Variants in TBC1D19 observed in about 807,000 individuals in gnomAD.
The protein encoded by TBC1D19 is TBC1 domain family member 19.
TBC1D19 carries 60 observed loss-of-function variants against 89.0 expected under a neutral mutation model. The observed-to-expected ratio is 0.67, with a 90% CI of 0.55 to 0.84. The LOEUF (loss-of-function observed/expected upper bound fraction) is 0.84. Among genes scored for constraint, TBC1D19 ranks in the 40% least tolerant of loss-of-function variants. The probability of loss-of-function intolerance (pLI) is 0.00; values close to 1 mark genes in which losing one functional copy is unlikely to be tolerated. For missense variants in TBC1D19, 500 were observed against 610.8 expected (o/e 0.82, Z 1.91); for synonymous variants, 189 against 199.7 (o/e 0.95, Z 0.45).
At chr4:26,810,304 A>T in the TBC1D19 span, among the ~76,000 whole-genome samples, 5 of 152,110 alleles carry the variant, frequency 3.3e-5, no homozygotes, top group Admixed American at 6.5e-5. Flanking sequence ...TTGCACTCGA[A>T]TCTTTGTCTC....
At chr4:26,782,855 G>A in the TBC1D19 span, among the ~76,000 whole-genome samples, 1 of 150,988 alleles carries the variant, frequency 6.6e-6, no homozygotes, top group African/African-American at 2.4e-5. Context: ...AGCTTGCTCA[G>A]GAAAGAGAAT....
chr4:26,702,771 A>T (rs1202635173), intron 13 of TBC1D19, among the ~76,000 whole-genome samples: 9 of 152,198 alleles, frequency 5.9e-5, no homozygotes, highest in African/African-American at 2.2e-4. Flanking sequence ...GTATAGTAGT[A>T]TTAACTATAG....
chr4:26,725,778 G>T (rs947011723), intron 15 of TBC1D19, among the ~76,000 whole-genome samples: 1 of 152,114 alleles, frequency 6.6e-6, no homozygotes, highest in African/African-American at 2.4e-5. Flanking sequence ...TAGAATGTAA[G>T]CTCCAAGAGA....
intron 7 of TBC1D19, among the ~76,000 whole-genome samples, chr4:26,645,353 C>A (rs548728804): frequency 2.0e-5 from 3 of 152,130 alleles, no homozygotes; most frequent in Non-Finnish European, 4.4e-5. Context: ...TAACACCACA[C>A]ATCTACAGCC....
At chr4:26,626,276 GA>G (rs1742392308) in intron 4 of TBC1D19, among the ~76,000 whole-genome samples, 2 of 152,144 alleles carry the variant, frequency 1.3e-5, no homozygotes, top group Admixed American at 6.6e-5. Flanking sequence ...TACTGATCAT[GA>G]AACCCTATTT....
intron 17 of TBC1D19, among the ~76,000 whole-genome samples, chr4:26,741,642 T>C (rs963495714): frequency 6.6e-6 from 1 of 151,342 alleles, no homozygotes; most frequent in South Asian, 2.1e-4. Flanking sequence ...TTTTTTTTTT[T>C]ATTCAGAGGA....
intron 15 of TBC1D19, among the ~76,000 whole-genome samples, chr4:26,721,952 C>T (rs1376913862): frequency 6.6e-6 from 1 of 152,132 alleles, no homozygotes; most frequent in African/African-American, 2.4e-5. Flanking sequence ...GAAGCTTTCC[C>T]TGAATCCCCA....
chr4:26,676,010 A>T (rs1177831420), intron 11 of TBC1D19, among the ~76,000 whole-genome samples: 1 of 152,238 alleles, frequency 6.6e-6, no homozygotes, highest in African/African-American at 2.4e-5. Flanking sequence ...TTTAGTAAAC[A>T]TTGTTCATAT....
chr4:26,830,431 G>A, the TBC1D19 span, among the ~76,000 whole-genome samples: 1 of 152,236 alleles, frequency 6.6e-6, no homozygotes, highest in East Asian at 1.9e-4. Context: ...CTACTAGTGG[G>A]GAGATGGAAC....
chr4:26,621,610 C>A (rs79082360), intron 4 of TBC1D19, among the ~76,000 whole-genome samples: 2 of 151,768 alleles, frequency 1.3e-5, no homozygotes, highest in Non-Finnish European at 2.9e-5. Flanking sequence ...GCACTTTTTT[C>A]GACTTTTATT....
the TBC1D19 span, among the ~76,000 whole-genome samples, chr4:26,797,634 A>T: frequency 6.6e-6 from 1 of 152,234 alleles, no homozygotes; most frequent in Non-Finnish European, 1.5e-5. Context: ...ACACTGCCTG[A>T]CTTCAAATTA....
At chr4:26,748,595 TCA>T (rs1347746402) in intron 19 of TBC1D19, 69 bp downstream of exon 19, 1 of 1,103,026 alleles carries the variant, frequency 9.1e-7, no homozygotes, top group African/African-American at 1.6e-5. Flanking sequence ...TTCCTAACAT[TCA>T]CCATCCGTAA....
the TBC1D19 span, among the ~76,000 whole-genome samples, chr4:26,787,545 A>C: frequency 6.6e-6 from 1 of 152,140 alleles, no homozygotes; most frequent in Admixed American, 6.5e-5. Context: ...CAGCACTATG[A>C]GAGTGTGTGC....
chr4:26,711,318 C>A (rs1197406448), intron 13 of TBC1D19, among the ~76,000 whole-genome samples: 1 of 151,706 alleles, frequency 6.6e-6, no homozygotes, highest in African/African-American at 2.4e-5. Context: ...CAGGTGAGGG[C>A]AGAGTGTTTT....
chr4:26,730,266 T>C (rs1467127806), intron 15 of TBC1D19, among the ~76,000 whole-genome samples: 1 of 151,982 alleles, frequency 6.6e-6, no homozygotes, highest in East Asian at 1.9e-4. Context: ...GATACATAAA[T>C]AAAAAGCAGT....
chr4:26,754,946 G>T lies in TBC1D19; in HGVS notation c.1580G>T (p.Ter527LeuextTer14). The change falls in exon 21 of 21, where the codon TGA (stop) becomes TTA (leucine). Residue 527 changes from the stop codon to leucine (L), a stop_lost. Transcript: ENST00000264866. ...ATTTTTCTGTTTGCTACTGTCACCT[G>T]ATCTTCTTCACAGTCACTGGCAACA... ...LQIFLFATVT[*>L] is the part of the protein sequence containing the mutation. 1 of 1,603,428 alleles carries T rather than the reference G, an allele frequency of 6.2e-7. No homozygotes were observed. Among genetic ancestry groups the T allele is most frequent in the South Asian group, 1.1e-5 (1 of 89,758 alleles).
chr4:26,857,569 G>A, the TBC1D19 span: 1 of 152,210 alleles, frequency 6.6e-6, no homozygotes, highest in African/African-American at 2.4e-5. Context: ...CGGCTGCCGG[G>A]CGCCCCGCCC....
the TBC1D19 span, among the ~76,000 whole-genome samples, chr4:26,804,096 A>C: frequency 3.4e-5 from 5 of 148,498 alleles, no homozygotes; most frequent in African/African-American, 1.2e-4. Flanking sequence ...CAGAAACAAA[A>C]AAAAAAAGCC....
chr4:26,749,386 G>A (rs1718821357), intron 19 of TBC1D19, among the ~76,000 whole-genome samples: 1 of 151,264 alleles, frequency 6.6e-6, no homozygotes, highest in African/African-American at 2.4e-5. Flanking sequence ...TGGAAATAAA[G>A]CTTAGTTGAA....
Sources: allele counts gnomAD v4.1 joint callset (sites outside exome capture counted in the v4.1 genomes callset), GRCh38; gene constraint gnomAD v4.1.1; transcripts MANE v1.5; gene names NCBI Gene and HGNC (gene_info 2026-07-23, HGNC 2026-07-21).